ITGB3: variants seen among roughly 807,000 people sequenced by gnomAD.
ITGB3 encodes integrin subunit beta 3.
A neutral mutation model predicts 85.8 loss-of-function variants in ITGB3; 48 were observed. The observed-to-expected ratio is 0.56, with a 90% CI of 0.44 to 0.71. The LOEUF (loss-of-function observed/expected upper bound fraction) is 0.71, where lower values mean the gene tolerates loss of function less well. Ranked by LOEUF, ITGB3 falls within the 30% of genes least tolerant of loss-of-function variation. The pLI, the probability that ITGB3 is intolerant of heterozygous loss-of-function variation, is 0.00. For synonymous variants in ITGB3, 363 were observed against 395.6 expected, an observed-to-expected ratio of 0.92 and a Z score of 0.98; for missense variants, 861 against 1,019.1, an observed-to-expected ratio of 0.84 and a Z score of 2.11.
rs759507632 is a variant in ITGB3 at position 47,253,846 on chromosome 17, G to A, written c.-16G>A. On this transcript the variant is annotated 5_prime_UTR_variant, in exon 1 of 15. Transcript: ENST00000559488. ...CCCACTGTGGGGCGGGCGGAGCGCCGCGGGAGGCGGACGAGATGCGAGCGC... is the reference window on the plus strand; with the variant it reads ...CCCACTGTGGGGCGGGCGGAGCGCCACGGGAGGCGGACGAGATGCGAGCGC... 9.9e-6 allele frequency: 12 copies of A among 1,208,400 alleles called. No individual in the cohort carries two copies. The highest frequency in any genetic ancestry group is 1.2e-5 in the Non-Finnish European group (12 of 972,780). The allele number at this position is 1,208,400 out of a possible 1,614,324, so 74.9% of individuals were successfully genotyped here.
intron 13 of ITGB3, among the ~76,000 whole-genome samples, chr17:47,304,593 TTTTG>T (rs1459330087): frequency 2.0e-5 from 3 of 148,194 alleles, no homozygotes; most frequent in Non-Finnish European, 3.0e-5. Flanking sequence ...GCTTTTTTTG[TTTTG>T]TTTTTGTTTT....
At chr17:47,306,539 A>C (rs1350663059) in intron 13 of ITGB3, among the ~76,000 whole-genome samples, 1 of 152,202 alleles carries the variant, frequency 6.6e-6, no homozygotes, top group South Asian at 2.1e-4. Context: ...CGGCCTCCCA[A>C]GTGCTGGCAT....
chr17:47,299,190 C>A lies in ITGB3; in HGVS notation c.1691-118C>A. On this transcript the variant is annotated intron_variant, in intron 10 of 14. Transcript: ENST00000559488. The surrounding 1 kb of genome is among the most constrained non-coding windows in gnomAD (Gnocchi z 5.1). Reference sequence around the variant, plus strand: ...CCCTGGGTGGTGAGCCAATTCCCTGCCAACCTGGAGGATCATTATCTGTGT... The same window carrying A: ...CCCTGGGTGGTGAGCCAATTCCCTGACAACCTGGAGGATCATTATCTGTGT... 9.6e-7 allele frequency: 1 copy of A among 1,042,234 alleles called. No individual in the cohort carries two copies. The allele number at this position is 1,042,234 out of a possible 1,614,324, so 64.6% of individuals were successfully genotyped here.
chr17:47,287,677 G>A (rs2065108200), intron 6 of ITGB3, among the ~76,000 whole-genome samples: 1 of 152,190 alleles, frequency 6.6e-6, no homozygotes, highest in East Asian at 1.9e-4. Flanking sequence ...GGGAGGCTGA[G>A]GTGGGAGGAT....
At chr17:47,271,227 G>A (rs1283025933) in intron 1 of ITGB3, among the ~76,000 whole-genome samples, 3 of 152,192 alleles carry the variant, frequency 2.0e-5, no homozygotes, top group South Asian at 2.1e-4. Context: ...TGGGTGACTC[G>A]ATTAGGATGA....
intron 13 of ITGB3, among the ~76,000 whole-genome samples, 193 bp from the exon 14 acceptor site, chr17:47,307,278 A>G (rs2065192265): frequency 6.6e-6 from 1 of 152,134 alleles, no homozygotes; most frequent in Non-Finnish European, 1.5e-5. Flanking sequence ...CCAGGTCTAG[A>G]CTTCTGATTT....
chr17:47,300,617 T>G, intron 12 of ITGB3, 39 bp downstream of exon 12: 4 of 1,434,294 alleles, frequency 2.8e-6, no homozygotes, highest in Non-Finnish European at 3.9e-6. Flanking sequence ...ACACCCAGGT[T>G]CTAAATGTTT....
At chr17:47,303,985 C>T (rs183058081) in intron 13 of ITGB3, among the ~76,000 whole-genome samples, 9 of 152,042 alleles carry the variant, frequency 5.9e-5, no homozygotes, top group Admixed American at 3.9e-4. Flanking sequence ...TCAACCTCTT[C>T]GGCTCACACA....
At chr17:47,254,662 G>A (rs1442860496) in intron 1 of ITGB3, among the ~76,000 whole-genome samples, 2 of 152,134 alleles carry the variant, frequency 1.3e-5, no homozygotes, top group Admixed American at 6.5e-5. Context: ...GGGCCGGTGG[G>A]ATCCTTGGCT....
chr17:47,300,215 G>A (rs1376790757), intron 11 of ITGB3, among the ~76,000 whole-genome samples: 1 of 152,204 alleles, frequency 6.6e-6, no homozygotes, highest in Non-Finnish European at 1.5e-5. Flanking sequence ...TGGATGGGAC[G>A]GGAAGTTTAA....
At position 47,302,881 on chromosome 17, in the gene ITGB3, G is replaced by A. The variant is rs13306488; in HGVS notation, c.2134+41G>A. 3.6e-3 allele frequency: 5,790 copies of A among 1,612,408 alleles called. 26 individuals carry two copies. The highest frequency in any genetic ancestry group is 0.017 in the East Asian group (765 of 44,868). On this transcript the variant is annotated intron_variant, in intron 13 of 14. Coordinates refer to ENST00000559488, the MANE Select transcript of ITGB3 (RefSeq NM_000212.3). ...CGGCTCCCGGCCCTGCCCCAGGAGG[G>A]AGAGGGAGAACCATGTTAGGCAGGA...
In ITGB3 at chr17:47,269,841, T is replaced by G. The variant is rs139017798; in HGVS notation, c.80-4578T>G. Among the ~76,000 whole-genome samples the G allele has an allele frequency of 1.4e-3, 215 of 152,338 alleles. 1 individual carries two copies. The highest frequency in any genetic ancestry group is 5.0e-3 in the African/African-American group (206 of 41,570). ...CTCTACCATTGCCAATTTACTGTAA[T>G]AGTCTGTTCTCACACTGCTAATAAA... On this transcript the variant is annotated intron_variant, in intron 1 of 14. Coordinates refer to ENST00000559488, the MANE Select transcript of ITGB3 (RefSeq NM_000212.3).
chr17:47,302,275 G>A (rs909637463), intron 12 of ITGB3, among the ~76,000 whole-genome samples: 57 of 151,992 alleles, frequency 3.8e-4, no homozygotes, highest in Non-Finnish European at 8.8e-5. Context: ...GCAGAGAAAG[G>A]AAAGAGAGGG....
intron 1 of ITGB3, among the ~76,000 whole-genome samples, chr17:47,272,383 G>A (rs1437523365): frequency 1.3e-5 from 2 of 151,900 alleles, no homozygotes; most frequent in African/African-American, 4.8e-5. Context: ...AATATACATT[G>A]TTCTCATCAA....
intron 13 of ITGB3, among the ~76,000 whole-genome samples, chr17:47,304,279 GA>G (rs1349780526): frequency 6.6e-6 from 1 of 152,220 alleles, no homozygotes; most frequent in African/African-American, 2.4e-5. Flanking sequence ...GCTTTGAGTA[GA>G]ATGTTGCAGC....
At chr17:47,280,969 T>C (rs1202421010) in intron 2 of ITGB3, among the ~76,000 whole-genome samples, 1 of 152,232 alleles carries the variant, frequency 6.6e-6, no homozygotes, top group Non-Finnish European at 1.5e-5. Flanking sequence ...TGCCACTTCC[T>C]AGCTCTGCAA....
intron 1 of ITGB3, among the ~76,000 whole-genome samples, chr17:47,260,353 A>C (rs1253560282): frequency 6.6e-6 from 1 of 152,170 alleles, no homozygotes; most frequent in Non-Finnish European, 1.5e-5. Flanking sequence ...CACCACCTTC[A>C]ACTGGAACTC....
intron 6 of ITGB3, among the ~76,000 whole-genome samples, chr17:47,288,591 G>A (rs910726539): frequency 6.6e-6 from 1 of 152,110 alleles, no homozygotes; most frequent in Non-Finnish European, 1.5e-5. Flanking sequence ...AGGATCTAAT[G>A]AGCTCCCTGC....
intron 4 of ITGB3, 80 bp downstream of exon 4, chr17:47,284,775 G>A (rs2065096876): frequency 4.4e-6 from 7 of 1,580,570 alleles, no homozygotes; most frequent in Admixed American, 3.3e-5. Context: ...TCTAGCTCTA[G>A]GATCACTTTG....
Sources: gnomAD v4.1 joint callset for allele counts (sites outside exome capture counted in the v4.1 genomes callset) on GRCh38, gnomAD v4.1.1 for gene constraint, Gnocchi (gnomAD v3.1) non-coding constraint, MANE v1.5 for transcripts, NCBI Gene and HGNC (gene_info 2026-07-23, HGNC 2026-07-21) for gene names.